Variants in MAP4K4 observed in about 807,000 individuals in gnomAD.
MAP4K4 encodes mitogen-activated protein kinase kinase kinase kinase 4, also known as HPK/GCK-like kinase HGK.
MAP4K4 carries 38 observed loss-of-function variants against 189.6 expected under a neutral mutation model. That is an observed-to-expected ratio of 0.20 (90% confidence interval 0.15 to 0.26). The LOEUF (loss-of-function observed/expected upper bound fraction) is 0.26, where lower values mean the gene tolerates loss of function less well. Ranked by LOEUF, MAP4K4 falls within the 10% of genes least tolerant of loss-of-function variation. The pLI is 1.00. For synonymous variants in MAP4K4, 610 were observed against 624.3 expected (o/e 0.98, Z 0.34); for missense variants, 1,054 against 1,726.9 (o/e 0.61, Z 6.91).
intron 2 of MAP4K4, among the ~76,000 whole-genome samples, chr2:101,744,652 A>G (rs1269422012): frequency 6.6e-6 from 1 of 151,930 alleles, no homozygotes; most frequent in Non-Finnish European, 1.5e-5. Flanking sequence ...GTCCTAGGCG[A>G]GTTGGGCTTT....
At chr2:101,821,691 A>T (rs533047588) in intron 3 of MAP4K4, among the ~76,000 whole-genome samples, 1 of 152,220 alleles carries the variant, frequency 6.6e-6, no homozygotes, top group Admixed American at 6.5e-5. Flanking sequence ...CTGTACTGAC[A>T]TTACTGGTAT....
At chr2:101,835,813 G>A (rs1353711200) in intron 8 of MAP4K4, 87 bp from the exon 9 acceptor site, 1 of 870,274 alleles carries the variant, frequency 1.1e-6, no homozygotes, top group Non-Finnish European at 1.9e-6. Context: ...ATGGGCCAGA[G>A]CATTTCATGT....
chr2:101,782,673 T>G (rs1049200456), intron 2 of MAP4K4, among the ~76,000 whole-genome samples: 1 of 152,138 alleles, frequency 6.6e-6, no homozygotes, highest in African/African-American at 2.4e-5. Context: ...TTACTCCTGC[T>G]CTATTAGGAC....
exon 33 of MAP4K4, chr2:101,892,197 A>T (rs930758812): frequency 8.7e-5 from 13 of 149,574 alleles, no homozygotes; most frequent in African/African-American, 3.0e-4. Context: ...CCACATGTTT[A>T]TTTTTTTTTT....
rs185129708 is a variant in MAP4K4 at position 101,758,153 on chromosome 2, G to A, written c.124-32567G>A. Among the ~76,000 whole-genome samples the A allele has an allele frequency of 4.0e-4, 61 of 152,276 alleles. 2 individuals carry two copies. In the East Asian group the frequency reaches 0.011, roughly 28 times the overall value. ...TTGACTGTGCATAACTGAAACCATGGAAAATGAAACCTCGGGTAATGGGGG... is the reference window on the plus strand; with the variant it reads ...TTGACTGTGCATAACTGAAACCATGAAAAATGAAACCTCGGGTAATGGGGG... On this transcript the variant is annotated intron_variant, in intron 2 of 32. Transcript: ENST00000324219.
chr2:101,817,005 T>C (rs980161799), intron 3 of MAP4K4, among the ~76,000 whole-genome samples: 1 of 151,352 alleles, frequency 6.6e-6, no homozygotes, highest in Non-Finnish European at 1.5e-5. Flanking sequence ...AACTCTTATT[T>C]TTTTTTTTTT....
intron 2 of MAP4K4, among the ~76,000 whole-genome samples, chr2:101,721,943 G>A (rs1042899107): frequency 4.6e-5 from 7 of 152,286 alleles, no homozygotes; most frequent in Admixed American, 1.3e-4. Flanking sequence ...TCAGCTGATA[G>A]CAACTTCTTT....
exon 33 of MAP4K4, chr2:101,893,277 C>T: frequency 2.2e-6 from 1 of 456,144 alleles, no homozygotes; most frequent in South Asian, 1.6e-5. Flanking sequence ...GAGAAGCTTA[C>T]TTTTTGGGGA....
At chr2:101,827,516 G>C (rs1429054331) in intron 5 of MAP4K4, among the ~76,000 whole-genome samples, 1 of 152,152 alleles carries the variant, frequency 6.6e-6, no homozygotes, top group Non-Finnish European at 1.5e-5. Flanking sequence ...GACAGTTGGG[G>C]TTAAACAATT....
chr2:101,744,140 C>G (rs2064076076), intron 2 of MAP4K4, among the ~76,000 whole-genome samples: 1 of 152,152 alleles, frequency 6.6e-6, no homozygotes, highest in Non-Finnish European at 1.5e-5. Context: ...AGTCTTCAAG[C>G]CTCCAGAGCA....
chr2:101,862,392 G>A (rs544345573), intron 16 of MAP4K4, among the ~76,000 whole-genome samples: 1 of 152,132 alleles, frequency 6.6e-6, no homozygotes, highest in South Asian at 2.1e-4. Flanking sequence ...GGATAGAAAG[G>A]AAAGAGGAAA....
At chr2:101,888,688 TTTTAAAAAGATTTAG>T in intron 31 of MAP4K4, 93 bp from the exon 32 acceptor site, 1 of 839,206 alleles carries the variant, frequency 1.2e-6, no homozygotes, top group South Asian at 4.0e-5. Flanking sequence ...AAATTTTAAA[TTTTAAAAAGATTTAG>T]AAGTATAAAA....
At chr2:101,852,111 A>G (rs1023940393) in intron 12 of MAP4K4, among the ~76,000 whole-genome samples, 3 of 151,520 alleles carry the variant, frequency 2.0e-5, no homozygotes, top group Non-Finnish European at 4.4e-5. Context: ...AGGACCTTAT[A>G]CAATATCTGG....
At chr2:101,824,658 T>C (rs372134563) in intron 4 of MAP4K4, among the ~76,000 whole-genome samples, 1 of 152,336 alleles carries the variant, frequency 6.6e-6, no homozygotes, top group South Asian at 2.1e-4. Flanking sequence ...TGTATCAGTA[T>C]TTTTAAAAGG....
At chr2:101,806,374 CT>C (rs35242042) in intron 3 of MAP4K4, among the ~76,000 whole-genome samples, 1,664 of 129,510 alleles carry the variant, frequency 0.013, 14 homozygotes, top group South Asian at 0.047. Context: ...AGCTGTTTCA[CT>C]TTTTTTTTTT....
At chr2:101,793,972 G>T (rs1386839863) in intron 3 of MAP4K4, among the ~76,000 whole-genome samples, 4 of 152,186 alleles carry the variant, frequency 2.6e-5, no homozygotes, top group African/African-American at 4.8e-5. Flanking sequence ...TGGAAGTGGG[G>T]AGGCATTTAT....
chr2:101,785,806 TC>T (rs370585626), intron 2 of MAP4K4, among the ~76,000 whole-genome samples: 190 of 18,034 alleles, frequency 0.011, 11 homozygotes, highest in East Asian at 0.037. Flanking sequence ...TCTTTCTTTC[TC>T]TTCTTTCTTT....
chr2:101,787,221 G>A (rs1455981746), intron 2 of MAP4K4, among the ~76,000 whole-genome samples: 1 of 152,188 alleles, frequency 6.6e-6, no homozygotes, highest in East Asian at 1.9e-4. Flanking sequence ...AGAGTTAGGT[G>A]AAGGAACATG....
At chr2:101,835,357 T>G (rs1252664668) in intron 8 of MAP4K4, among the ~76,000 whole-genome samples, 1 of 152,236 alleles carries the variant, frequency 6.6e-6, no homozygotes, top group African/African-American at 2.4e-5. Context: ...TGCCTACATG[T>G]GTGCCTAACA....
Sources: gnomAD v4.1 joint callset for allele counts (sites outside exome capture counted in the v4.1 genomes callset) on GRCh38, gnomAD v4.1.1 for gene constraint, MANE v1.5 for transcripts, NCBI Gene and HGNC (gene_info 2026-07-23, HGNC 2026-07-21) for gene names.